DPY19L4: variants seen among roughly 807,000 people sequenced by gnomAD.
The protein encoded by DPY19L4 is probable C-mannosyltransferase DPY19L4.
In DPY19L4, 97 loss-of-function variants were observed where a neutral mutation model predicts 102.8. The observed-to-expected ratio is 0.94, with a 90% CI of 0.80 to 1.12. The LOEUF (loss-of-function observed/expected upper bound fraction) is 1.12, where lower values mean the gene tolerates loss of function less well. DPY19L4 is among the 50% of genes most tolerant of loss of function. The pLI is 0.00. For synonymous variants in DPY19L4, 252 were observed against 283.1 expected, an observed-to-expected ratio of 0.89 and a Z score of 1.10; for missense variants, 815 against 850.4, an observed-to-expected ratio of 0.96 and a Z score of 0.52.
intron 8 of DPY19L4, among the ~76,000 whole-genome samples, chr8:94,764,717 ATTTTT>A (rs869220296): frequency 3.1e-4 from 9 of 29,316 alleles, no homozygotes; most frequent in African/African-American, 5.6e-4. Context: ...ATATATATAT[ATTTTT>A]TTTTTTTTTT....
At chr8:94,734,166 C>G (rs1477631125) in intron 2 of DPY19L4, among the ~76,000 whole-genome samples, 1 of 148,790 alleles carries the variant, frequency 6.7e-6, no homozygotes, top group African/African-American at 2.5e-5. Context: ...TTCAATGATT[C>G]TTGTGCCTCA....
At chr8:94,767,295 CTT>C (rs5893296) in intron 11 of DPY19L4, among the ~76,000 whole-genome samples, 13 of 132,668 alleles carry the variant, frequency 9.8e-5, no homozygotes, top group Admixed American at 1.6e-4. Context: ...AACCAGGAGT[CTT>C]TTTTTTTTTT....
At position 94,765,809 on chromosome 8, in the gene DPY19L4, G is replaced by A; in HGVS notation, c.1101G>A (p.Lys367=). The change falls in exon 10 of 19, where the codon AAG becomes AAA. Residue 367 remains lysine (K), a splice_region_variant and synonymous_variant. Transcript: ENST00000414645. ...TLTITLNIIM[K]MFVPHKENGH... Reference sequence around the variant, plus strand: ...CAATAACATTGAATATTATAATGAAGGTAAGTAACTCTCTGGGATTCATAT... The same window carrying A: ...CAATAACATTGAATATTATAATGAAAGTAAGTAACTCTCTGGGATTCATAT... The A allele has an allele frequency of 6.6e-7, 1 of 1,511,110 alleles. No homozygotes were observed. Among genetic ancestry groups the A allele is most frequent in the Non-Finnish European group, 9.1e-7 (1 of 1,100,628 alleles). 93.6% of individuals were successfully genotyped at this position (1,511,110 alleles called of 1,614,324 possible).
chr8:94,747,981 T>C lies in DPY19L4; in HGVS notation c.612-8055T>C, dbSNP rs369112507. On this transcript the variant is annotated intron_variant, in intron 6 of 18. Coordinates refer to ENST00000414645, the MANE Select transcript of DPY19L4 (RefSeq NM_181787.3). ...TCCAAAATTGATCTAATTACTGTTT[T>C]GAACTGTTAGTTTGTGCTACAATCT... Among the ~76,000 whole-genome samples, 22 of 152,334 alleles carry C rather than the reference T, an allele frequency of 1.4e-4. 1 individual carries two copies. In the East Asian group the frequency reaches 3.3e-3, roughly 23 times the overall value.
Position 94,729,787 on chromosome 8 carries a change from C to CGT in DPY19L4, c.127+3347_127+3348insTG, listed in dbSNP as rs1721495698. ...TGGTGTTTGCAGTGAGCCAGGATCA[C>CGT]GCCACTGCACTCCAGCCTGGACGAT... On this transcript the variant is annotated intron_variant, in intron 2 of 18. Coordinates refer to ENST00000414645, the MANE Select transcript of DPY19L4 (RefSeq NM_181787.3). Among the ~76,000 whole-genome samples the CGT allele has an allele frequency of 4.5e-3, 636 of 142,530 alleles. 6 individuals carry two copies. The highest frequency in any genetic ancestry group is 0.016 in the African/African-American group (603 of 38,348). 93.5% of individuals were successfully genotyped at this position (142,530 alleles called of 152,430 possible). A position where few individuals can be genotyped will look rare whatever the true frequency, so the allele number is the denominator to read the frequency against.
At chr8:94,738,861 C>A (rs999633101) in intron 4 of DPY19L4, among the ~76,000 whole-genome samples, 18 of 151,988 alleles carry the variant, frequency 1.2e-4, no homozygotes, top group Admixed American at 3.3e-4. Flanking sequence ...TATTTTAGAA[C>A]CTTTCCTCCT....
At chr8:94,751,339 C>T (rs565094064) in intron 6 of DPY19L4, among the ~76,000 whole-genome samples, 96 of 151,172 alleles carry the variant, frequency 6.4e-4, no homozygotes, top group African/African-American at 2.2e-3. Flanking sequence ...AGGATGGTCT[C>T]GATCTCTTGA....
intron 3 of DPY19L4, among the ~76,000 whole-genome samples, chr8:94,736,932 G>A (rs1246097276): frequency 6.6e-6 from 1 of 152,104 alleles, no homozygotes; most frequent in Admixed American, 6.6e-5. Context: ...GGCATGTCTT[G>A]TGGTTTTCCT....
intron 1 of DPY19L4, 130 bp downstream of exon 1, chr8:94,720,144 G>C: frequency 7.2e-7 from 1 of 1,386,650 alleles, no homozygotes. Flanking sequence ...GGCAGGGCGG[G>C]AAGGAGCGCG....
intron 14 of DPY19L4, 123 bp from the exon 15 acceptor site, chr8:94,780,236 C>T: frequency 2.9e-6 from 2 of 685,448 alleles, no homozygotes; most frequent in East Asian, 3.2e-5. Flanking sequence ...ATGTTGACTT[C>T]ATTTTTTTTG....
At chr8:94,764,460 C>T (rs1812540207) in intron 8 of DPY19L4, among the ~76,000 whole-genome samples, 1 of 150,452 alleles carries the variant, frequency 6.6e-6, no homozygotes, top group Non-Finnish European at 1.5e-5. Flanking sequence ...CCTGTAGTCC[C>T]AGCTACTCGG....
At chr8:94,727,023 T>G (rs1392514498) in intron 2 of DPY19L4, among the ~76,000 whole-genome samples, 2 of 152,214 alleles carry the variant, frequency 1.3e-5, no homozygotes, top group African/African-American at 2.4e-5. Context: ...AACTCTCTCT[T>G]ATCTAGTCAC....
rs752147382 is a variant in DPY19L4 at position 94,765,810 on chromosome 8, G to A, written c.1101+1G>A. On this transcript the variant is annotated splice_donor_variant, in intron 10 of 18. Coordinates refer to ENST00000414645, the MANE Select transcript of DPY19L4 (RefSeq NM_181787.3). LOFTEE classifies it high-confidence loss of function. ...AATAACATTGAATATTATAATGAAG[G>A]TAAGTAACTCTCTGGGATTCATATA... is the stretch of plus-strand genomic sequence containing the variant. 1 of 1,510,910 alleles carries A rather than the reference G, an allele frequency of 6.6e-7. No homozygotes were observed. The highest frequency in any genetic ancestry group is 1.4e-5 in the African/African-American group (1 of 71,516). The allele number at this position is 1,510,910 out of a possible 1,614,324, so 93.6% of individuals were successfully genotyped here.
At chr8:94,735,232 A>C (rs62524284) in intron 3 of DPY19L4, among the ~76,000 whole-genome samples, 14,596 of 152,204 alleles carry the variant, frequency 0.096, 799 homozygotes, top group Admixed American at 0.13. Flanking sequence ...TTCTTCAGTC[A>C]CTATAGTTGT....
rs747170559 is a variant in DPY19L4 at position 94,739,789 on chromosome 8, A to G, written c.610A>G (p.Arg204Gly). 1 of 1,611,104 alleles carries G rather than the reference A, an allele frequency of 6.2e-7. No individual in the cohort carries two copies. The highest frequency in any genetic ancestry group is 1.1e-5 in the South Asian group (1 of 90,654). The change falls in exon 6 of 19, where the codon AGG (arginine) becomes GGG (glycine). Residue 204 changes from arginine to glycine, a missense_variant and splice_region_variant. Physicochemically the swap from Arg to Gly is moderately radical, Grantham distance 125. Transcript: ENST00000414645. The stretch of plus-strand genomic sequence containing the variant: ...TACTGTTGCGTGGTTCGTTATTAAC[A>G]GGTAAGAAAGCTGTTTTAATTGATT... ...MLTVAWFVIN[R>G]VDTTRIEYSI...
intron 10 of DPY19L4, 78 bp from the exon 11 acceptor site, chr8:94,766,534 G>C: frequency 7.5e-7 from 1 of 1,332,338 alleles, no homozygotes; most frequent in South Asian, 1.3e-5. Flanking sequence ...TGTGTTTTCT[G>C]TCTCTAGTAT....
At chr8:94,745,276 C>T (rs1811621801) in intron 6 of DPY19L4, among the ~76,000 whole-genome samples, 1 of 152,124 alleles carries the variant, frequency 6.6e-6, no homozygotes, top group Non-Finnish European at 1.5e-5. Context: ...CCTTTGAAGA[C>T]TTGCCACCAA....
chr8:94,768,266 C>T, intron 11 of DPY19L4, 129 bp from the exon 12 acceptor site: 1 of 672,800 alleles, frequency 1.5e-6, no homozygotes, highest in Non-Finnish European at 2.4e-6. Flanking sequence ...AGGATAGTAC[C>T]TTGCTAATAT....
intron 6 of DPY19L4, among the ~76,000 whole-genome samples, chr8:94,748,754 T>C (rs1381921619): frequency 1.3e-5 from 2 of 152,208 alleles, no homozygotes; most frequent in African/African-American, 2.4e-5. Context: ...TATATTCTCA[T>C]AGGAGCACGA....
Sources: gnomAD v4.1 joint callset for allele counts (sites outside exome capture counted in the v4.1 genomes callset) on GRCh38, gnomAD v4.1.1 for gene constraint, MANE v1.5 for transcripts, NCBI Gene and HGNC (gene_info 2026-07-23, HGNC 2026-07-21) for gene names.